Variants in CPNE5 observed in about 807,000 individuals in gnomAD.
The protein encoded by CPNE5 is copine-5.
A neutral mutation model predicts 81.1 loss-of-function variants in CPNE5; 42 were observed. The observed-to-expected ratio is 0.52, with a 90% confidence interval of 0.40 to 0.67. CPNE5 has a LOEUF of 0.67. Among genes scored for constraint, CPNE5 ranks in the 30% least tolerant of loss-of-function variants. CPNE5 has a pLI of 0.00. For synonymous variants in CPNE5, 313 were observed against 321.5 expected, an observed-to-expected ratio of 0.97 and a Z score of 0.28; for missense variants, 612 against 815.5, an observed-to-expected ratio of 0.75 and a Z score of 3.04.
chr6:36,778,922 C>T lies in CPNE5; in HGVS notation c.564G>A (p.Leu188=). The change falls in exon 9 of 21, where the codon CTG becomes CTA. Residue 188 remains leucine (L), a synonymous_variant. Transcript: ENST00000244751. ...ATTTCCCAAAGAAATCTTTCTTGTC[C>T]AGCTTGTTGGCACAGAACTGCATGG... ...VATMQFCANK[L]DKKDFFGKSD... is the part of the protein sequence containing the mutation. 6.2e-7 allele frequency: 1 copy of T among 1,605,664 alleles called. No individual in the cohort carries two copies.
rs76653342 is a variant in CPNE5 at position 36,775,986 on chromosome 6, C to T, written c.633-921G>A. ...ATGAAATTAAAGCCCCTAACTTAGA[C>T]GATCTTTAAGACCCTTTCTGCTTTT... is the stretch of plus-strand genomic sequence containing the variant. On this transcript the variant is annotated intron_variant, in intron 9 of 20. Transcript: ENST00000244751. 8.7e-3 allele frequency among the ~76,000 whole-genome samples: 1,331 copies of T among 152,280 alleles called. 16 individuals carry two copies. Among genetic ancestry groups the T allele is most frequent in the African/African-American group, 0.03 (1,243 of 41,548 alleles).
In CPNE5 at chr6:36,837,450, T is replaced by A. The variant is rs150435313; in HGVS notation, c.95+1833A>T. Among the ~76,000 whole-genome samples the A allele has an allele frequency of 4.0e-3, 611 of 152,158 alleles. 7 individuals carry two copies. Among genetic ancestry groups the A allele is most frequent in the Admixed American group, 3.9e-3 (60 of 15,290 alleles). On this transcript the variant is annotated intron_variant, in intron 1 of 20. Transcript: ENST00000244751. ...CTTTCCTCTCCACTGGAGTAGAGGG[T>A]GCATGGGTCTGACTCAGGGTGGGAA...
chr6:36,741,994 C>A lies in CPNE5; in HGVS notation c.*274G>T. The A allele has an allele frequency of 2.2e-6, 1 of 459,328 alleles. No individual in the cohort carries two copies. The highest frequency in any genetic ancestry group is 3.9e-6 in the Non-Finnish European group (1 of 258,200). The allele number at this position is 459,328 out of a possible 1,614,324, so 28.5% of individuals were successfully genotyped here. ...AATCACCCTTATTGTTTACACCTTC[C>A]TGGCTGGGTTAGAGCCAGGTATTGG... is the stretch of plus-strand genomic sequence containing the variant. On this transcript the variant is annotated 3_prime_UTR_variant, in exon 21 of 21. Transcript: ENST00000244751.
intron 16 of CPNE5, among the ~76,000 whole-genome samples, chr6:36,745,785 C>A (rs1230030649): frequency 6.6e-6 from 1 of 152,178 alleles, no homozygotes; most frequent in Non-Finnish European, 1.5e-5. Context: ...CCTCAGGGAA[C>A]CTTGGGTAAA....
At chr6:36,742,597 A>C in intron 20 of CPNE5, 111 bp from the exon 21 acceptor site, 2 of 995,766 alleles carry the variant, frequency 2.0e-6, no homozygotes, top group African/African-American at 2.1e-5. Context: ...TGCTCACTTG[A>C]CTCAATCCCC....
chr6:36,795,201 C>A lies in CPNE5; in HGVS notation c.405-552G>T, dbSNP rs543370715. On this transcript the variant is annotated intron_variant, in intron 6 of 20. Transcript: ENST00000244751. ...TTTATTTTCATTTTTATTTTTGAAACAGAGTCTCGCTCTGTCACCCAGGCT... is the reference window on the plus strand; with the variant it reads ...TTTATTTTCATTTTTATTTTTGAAAAAGAGTCTCGCTCTGTCACCCAGGCT... Among the ~76,000 whole-genome samples, 24 of 151,638 alleles carry A rather than the reference C, an allele frequency of 1.6e-4. No individual in the cohort carries two copies. The South Asian group carries it at 4.7e-3, about 30-fold the overall frequency.
chr6:36,822,369 C>T (rs1404908170), intron 2 of CPNE5, among the ~76,000 whole-genome samples: 1 of 151,636 alleles, frequency 6.6e-6, no homozygotes, highest in African/African-American at 2.4e-5. Context: ...GGAATCTGGC[C>T]CCCCAAGCCT....
At chr6:36,784,308 C>G (rs1768321737) in intron 8 of CPNE5, among the ~76,000 whole-genome samples, 1 of 152,206 alleles carries the variant, frequency 6.6e-6, no homozygotes, top group African/African-American at 2.4e-5. Context: ...ATAAAACAGG[C>G]CTTCAGAGAA....
At chr6:36,793,605 TTC>T (rs1188454062) in intron 7 of CPNE5, among the ~76,000 whole-genome samples, 1 of 151,978 alleles carries the variant, frequency 6.6e-6, no homozygotes, top group Non-Finnish European at 1.5e-5. Context: ...TGGCCTTCCT[TTC>T]TCTCTCTCCC....
chr6:36,818,632 G>A (rs938746382), intron 3 of CPNE5, among the ~76,000 whole-genome samples: 2 of 152,180 alleles, frequency 1.3e-5, no homozygotes, highest in East Asian at 3.8e-4. Flanking sequence ...ACCCTCAGAC[G>A]CCAGATGTGG....
chr6:36,770,462 G>A (rs376369645), intron 10 of CPNE5, among the ~76,000 whole-genome samples: 6 of 152,070 alleles, frequency 3.9e-5, no homozygotes, highest in African/African-American at 1.4e-4. Context: ...AACTGTAATC[G>A]TATTACCTGG....
intron 16 of CPNE5, 139 bp from the exon 17 acceptor site, chr6:36,745,654 G>A: frequency 1.1e-6 from 1 of 940,202 alleles, no homozygotes; most frequent in Non-Finnish European, 1.6e-6. Context: ...GCGGGGCAGG[G>A]GAGGGAGCTC....
In CPNE5 at chr6:36,749,908, G is replaced by A. The variant is rs145226522; in HGVS notation, c.972-1641C>T. On this transcript the variant is annotated intron_variant, in intron 14 of 20. Transcript: ENST00000244751. ...GCTTGGCCATTCTAGGTTCTCTGCCGGGTCCAGACAGAACAAAGCTGACAA... is the reference window on the plus strand; with the variant it reads ...GCTTGGCCATTCTAGGTTCTCTGCCAGGTCCAGACAGAACAAAGCTGACAA... Among the ~76,000 whole-genome samples, 624 of 152,288 alleles carry A rather than the reference G, an allele frequency of 4.1e-3. 4 individuals are homozygous for A. Among genetic ancestry groups the A allele is most frequent in the South Asian group, 0.015 (70 of 4,824 alleles).
At chr6:36,800,506 A>C (rs1352877744) in intron 3 of CPNE5, among the ~76,000 whole-genome samples, 1 of 152,174 alleles carries the variant, frequency 6.6e-6, no homozygotes. Flanking sequence ...CACCATTCTG[A>C]GAATTGATTC....
chr6:36,776,113 C>G (rs1361254589), intron 9 of CPNE5, among the ~76,000 whole-genome samples: 2 of 152,210 alleles, frequency 1.3e-5, no homozygotes, highest in African/African-American at 2.4e-5. Context: ...CCACGCCATG[C>G]TTGGCTGGAC....
chr6:36,748,215 A>T lies in CPNE5; in HGVS notation c.1018+6T>A. 1 of 1,613,820 alleles carries T rather than the reference A, an allele frequency of 6.2e-7. No individual in the cohort carries two copies. The highest frequency in any genetic ancestry group is 8.5e-7 in the Non-Finnish European group (1 of 1,179,800). The stretch of plus-strand genomic sequence containing the variant: ...ACCCTGCTCCTCTACCCATCCCCCA[A>T]CTCACCATTGGAGGCAGTGAAATCA... On this transcript the variant is annotated splice_donor_region_variant and intron_variant, in intron 15 of 20. Transcript: ENST00000244751.
intron 12 of CPNE5, among the ~76,000 whole-genome samples, chr6:36,761,489 C>T (rs1421476259): frequency 6.6e-6 from 1 of 152,202 alleles, no homozygotes; most frequent in Non-Finnish European, 1.5e-5. Flanking sequence ...AACCGACATG[C>T]AGGGCAAAGG....
intron 19 of CPNE5, 92 bp from the exon 20 acceptor site, chr6:36,743,854 C>T: frequency 8.7e-7 from 1 of 1,146,592 alleles, no homozygotes; most frequent in South Asian, 1.2e-5. Flanking sequence ...CATCCCAGGC[C>T]AATCCAGGGC....
Position 36,744,449 on chromosome 6 carries a change from G to C in CPNE5, c.1432-124C>G, listed in dbSNP as rs895184227. ...AAAGAAATGGGAGAGTGAACATGGA[G>C]AGACAGAGAAACACAGAAAAGGGGG... On this transcript the variant is annotated intron_variant, in intron 18 of 20. Transcript: ENST00000244751. The C allele has an allele frequency of 6.8e-5, 51 of 745,506 alleles. No individual in the cohort carries two copies. The African/African-American group carries it at 6.9e-4, about 10-fold the overall frequency. 46.2% of individuals were successfully genotyped at this position (745,506 alleles called of 1,614,324 possible).
Sources: gnomAD v4.1 joint callset for allele counts (sites outside exome capture counted in the v4.1 genomes callset) on GRCh38, gnomAD v4.1.1 for gene constraint, MANE v1.5 for transcripts, NCBI Gene and HGNC (gene_info 2026-07-23, HGNC 2026-07-21) for gene names.